Variants in LARP4 observed in about 807,000 individuals in gnomAD.
The protein encoded by LARP4 is la-related protein 4.
Under a neutral mutation model 92.9 loss-of-function variants are expected in LARP4, and 29 were observed. That is an observed-to-expected ratio of 0.31 (90% CI 0.23 to 0.43). The LOEUF (loss-of-function observed/expected upper bound fraction) is 0.43, where lower values mean the gene tolerates loss of function less well. Ranked by LOEUF, LARP4 falls within the 20% of genes least tolerant of loss-of-function variation. The probability of loss-of-function intolerance (pLI) is 1.00; values close to 1 mark genes in which losing one functional copy is unlikely to be tolerated. For synonymous variants in LARP4, 279 were observed against 284.1 expected (o/e 0.98, Z 0.18); for missense variants, 732 against 860.0 (o/e 0.85, Z 1.86).
At chr12:50,419,089 G>A (rs1947316985) in intron 1 of LARP4, among the ~76,000 whole-genome samples, 1 of 152,136 alleles carries the variant, frequency 6.6e-6, no homozygotes, top group South Asian at 2.1e-4. Flanking sequence ...GGCTGGGCAT[G>A]GTGGTTCATG....
intron 1 of LARP4, among the ~76,000 whole-genome samples, chr12:50,406,145 C>T (rs1219645931): frequency 6.6e-6 from 1 of 152,086 alleles, no homozygotes; most frequent in Non-Finnish European, 1.5e-5. Context: ...TTCATACGAC[C>T]TAGGACGCTT....
Position 50,453,793 on chromosome 12 carries a change from AT to A in LARP4, c.1017+125del, listed in dbSNP as rs761066546. 3.7e-4 allele frequency: 232 copies of A among 627,546 alleles called. 2 individuals carry two copies. Among genetic ancestry groups the A allele is most frequent in the South Asian group, 2.5e-3 (82 of 33,248 alleles). 38.9% of individuals were successfully genotyped at this position (627,546 alleles called of 1,614,324 possible). ...TTGATGACTTTTTGGCCTTTATTTT[AT>A]TTTATTTTTTGTATTTTTCGTAGAG... On this transcript the variant is annotated intron_variant, in intron 9 of 15. Coordinates refer to ENST00000398473, the MANE Select transcript of LARP4 (RefSeq NM_052879.5).
At chr12:50,443,511 T>TC (rs539924566) in intron 8 of LARP4, among the ~76,000 whole-genome samples, 1 of 152,108 alleles carries the variant, frequency 6.6e-6, no homozygotes, top group Non-Finnish European at 1.5e-5. Context: ...AAACAGTCCT[T>TC]CCATCTCAGC....
intron 1 of LARP4, among the ~76,000 whole-genome samples, chr12:50,406,270 G>C (rs1944812401): frequency 6.6e-6 from 1 of 152,080 alleles, no homozygotes; most frequent in African/African-American, 2.4e-5. Context: ...AGTAGTTCAA[G>C]ACCAGCCTGG....
chr12:50,472,406 T>G lies in LARP4; in HGVS notation c.1546-1009T>G, dbSNP rs187819832. On this transcript the variant is annotated intron_variant, in intron 13 of 15. Transcript: ENST00000398473. The stretch of plus-strand genomic sequence containing the variant: ...GACTACTCTTAGTAATTCATATAAG[T>G]AGAATCATACAGTATTTGTCTTTCT... Among the ~76,000 whole-genome samples, 6 of 152,344 alleles carry G rather than the reference T, an allele frequency of 3.9e-5. No individual in the cohort carries two copies. The East Asian group carries it at 9.6e-4, about 24-fold the overall frequency.
chr12:50,414,868 CA>C (rs1327364189), intron 1 of LARP4, among the ~76,000 whole-genome samples: 1 of 152,106 alleles, frequency 6.6e-6, no homozygotes, highest in Non-Finnish European at 1.5e-5. Flanking sequence ...CTGTACTATA[CA>C]ACCTTTTATA....
At chr12:50,455,374 T>C (rs928595514) in intron 10 of LARP4, among the ~76,000 whole-genome samples, 1 of 152,196 alleles carries the variant, frequency 6.6e-6, no homozygotes, top group African/African-American at 2.4e-5. Context: ...TAACACAGTA[T>C]GAGTAACCAA....
chr12:50,435,916 C>T (rs150299696), intron 5 of LARP4, among the ~76,000 whole-genome samples: 4 of 151,872 alleles, frequency 2.6e-5, no homozygotes, highest in African/African-American at 9.7e-5. Context: ...TTACTGGGAC[C>T]CCAGGCGCAC....
At chr12:50,440,605 G>A (rs577418326) in intron 7 of LARP4, 56 bp downstream of exon 7, 2 of 1,168,942 alleles carry the variant, frequency 1.7e-6, no homozygotes, top group East Asian at 2.4e-5. Context: ...ATAAGTAGTG[G>A]TATATTTTAA....
At chr12:50,402,763 T>G in intron 1 of LARP4, 1 of 455,722 alleles carries the variant, frequency 2.2e-6, no homozygotes, top group Non-Finnish European at 4.4e-6. Context: ...GTCATGCTGA[T>G]GTCAAATCAT....
At chr12:50,443,284 G>C (rs905824949) in intron 8 of LARP4, among the ~76,000 whole-genome samples, 2 of 151,664 alleles carry the variant, frequency 1.3e-5, no homozygotes, top group African/African-American at 4.9e-5. Context: ...TTTTGTTTTT[G>C]AGACTGGGGT....
intron 12 of LARP4, 104 bp from the exon 13 acceptor site, chr12:50,466,855 G>C: frequency 9.1e-7 from 1 of 1,096,872 alleles, no homozygotes; most frequent in Non-Finnish European, 1.3e-6. Context: ...CATTATAGAG[G>C]TTTTGTTTGC....
In LARP4 at chr12:50,453,587, A is replaced by G. The variant is rs751771927; in HGVS notation, c.932A>G (p.Tyr311Cys). Residue 311 changes from tyrosine (Y) to cysteine (C), a missense_variant, in exon 9 of 16, where the codon TAT (tyrosine) becomes TGT (cysteine). Physicochemically the swap from Tyr to Cys is radical, Grantham distance 194. Transcript: ENST00000398473. The stretch of plus-strand genomic sequence containing the variant: ...TCCCCAGTCTTTATGCAGCCTGTAT[A>G]TAATCCTCACCAACAGTACTCGGTC... ...YASPVFMQPV[Y>C]NPHQQYSVYS... 1 of 1,613,688 alleles carries G rather than the reference A, an allele frequency of 6.2e-7. No homozygotes were observed. Among genetic ancestry groups the G allele is most frequent in the Non-Finnish European group, 8.5e-7 (1 of 1,179,664 alleles).
intron 4 of LARP4, among the ~76,000 whole-genome samples, chr12:50,431,344 T>C (rs1949630462): frequency 6.6e-6 from 1 of 152,196 alleles, no homozygotes; most frequent in South Asian, 2.1e-4. Flanking sequence ...AAGTTTGCAT[T>C]GGATGTTTTT....
intron 1 of LARP4, chr12:50,401,253 G>A: frequency 1.7e-6 from 1 of 602,612 alleles, no homozygotes; most frequent in East Asian, 2.8e-5. Flanking sequence ...AATTGAAGGA[G>A]AAAAACGGAG....
intron 3 of LARP4, 125 bp downstream of exon 3, chr12:50,429,215 T>A (rs757599387): frequency 1.5e-6 from 1 of 670,138 alleles, no homozygotes; most frequent in Non-Finnish European, 2.5e-6. Context: ...AAGGTTACGT[T>A]AATGAAATGT....
intron 4 of LARP4, 135 bp from the exon 5 acceptor site, chr12:50,435,353 T>C (rs1347853385): frequency 3.2e-6 from 2 of 624,258 alleles, no homozygotes; most frequent in Non-Finnish European, 5.6e-6. Context: ...TAGAGTTCAC[T>C]GAAAAGTTTA....
chr12:50,464,104 C>T (rs1955830191), intron 12 of LARP4, among the ~76,000 whole-genome samples: 1 of 152,178 alleles, frequency 6.6e-6, no homozygotes, highest in South Asian at 2.1e-4. Context: ...ATCTTTATAG[C>T]AGTGCTCCAC....
intron 5 of LARP4, among the ~76,000 whole-genome samples, chr12:50,436,051 CTGTGTGTGTGTGTGTGTGTG>C (rs57676021): frequency 6.7e-4 from 92 of 137,716 alleles, no homozygotes; most frequent in African/African-American, 2.0e-3. Context: ...TTTACTGACT[CTGTGTGTGTGTGTGTGTGTG>C]TGTGTGTGTG....
Sources: allele counts gnomAD v4.1 joint callset (sites outside exome capture counted in the v4.1 genomes callset), GRCh38; gene constraint gnomAD v4.1.1; transcripts MANE v1.5; gene names NCBI Gene and HGNC (gene_info 2026-07-23, HGNC 2026-07-21).